OR11G2: variants seen among roughly 807,000 people sequenced by gnomAD.
OR11G2 encodes the protein olfactory receptor family 11 subfamily G member 2.
OR11G2 carries 2 observed loss-of-function variants against 0.9 expected under a neutral mutation model. The observed-to-expected ratio is 2.35, with a 90% CI of 0.96 to 7.38. The LOEUF (loss-of-function observed/expected upper bound fraction) is 7.38, where lower values mean the gene tolerates loss of function less well. Ranked by LOEUF, OR11G2 falls within the 30% of genes most tolerant of loss-of-function variation. The probability of loss-of-function intolerance (pLI) is 0.05; values close to 1 mark genes in which losing one functional copy is unlikely to be tolerated. For missense variants in OR11G2, 395 were observed against 371.3 expected, an observed-to-expected ratio of 1.06 and a Z score of -0.52; for synonymous variants, 153 against 142.0, an observed-to-expected ratio of 1.08 and a Z score of -0.55.
Position 20,197,415 on chromosome 14 carries a change from G to C in OR11G2, c.-4-19G>C, listed in dbSNP as rs766776011. On this transcript the variant is annotated intron_variant, in intron 1 of 1. Transcript: ENST00000641879. ...TTGCACCGTCATTCAGTAATTGCTGGTGCTTTTACAATTCACAGGCACATG... is the reference window on the plus strand; with the variant it reads ...TTGCACCGTCATTCAGTAATTGCTGCTGCTTTTACAATTCACAGGCACATG... 7.4e-6 allele frequency: 12 copies of C among 1,612,950 alleles called. No homozygotes were observed. Among genetic ancestry groups the C allele is most frequent in the Middle Eastern group, 3.3e-4 (2 of 5,982 alleles).
intron 1 of OR11G2, among the ~76,000 whole-genome samples, chr14:20,193,345 C>A (rs1005980015): frequency 5.3e-5 from 8 of 152,168 alleles, no homozygotes; most frequent in Admixed American, 2.0e-4. Flanking sequence ...TGGTCTCGAA[C>A]TCCTGAGCTC....
At position 20,191,667 on chromosome 14, in the gene OR11G2, G is replaced by A. The variant is rs1379301049; in HGVS notation, c.-5+1G>A. 5 of 152,222 alleles carry A rather than the reference G, an allele frequency of 3.3e-5. No homozygotes were observed. The highest frequency in any genetic ancestry group is 1.2e-4 in the African/African-American group (5 of 41,450). 9.4% of individuals were successfully genotyped at this position (152,222 alleles called of 1,614,324 possible). On this transcript the variant is annotated splice_donor_variant, in intron 1 of 1. Coordinates refer to ENST00000641879, the MANE Select transcript of OR11G2 (RefSeq NM_001386033.1). LOFTEE classifies it low-confidence loss of function (5UTR_SPLICE). ...GTACAGAGGAGCTAGGTAATAAAAG[G>A]TGAGTAACATTACACTCTTGTTAGA...
At chr14:20,192,556 T>C (rs181392236) in intron 1 of OR11G2, among the ~76,000 whole-genome samples, 156 of 152,348 alleles carry the variant, frequency 1.0e-3, no homozygotes, top group African/African-American at 3.6e-3. Context: ...TGGCTTCCTT[T>C]GAATGGAATT....
chr14:20,193,638 T>G (rs1287392595), intron 1 of OR11G2, among the ~76,000 whole-genome samples: 3 of 152,216 alleles, frequency 2.0e-5, no homozygotes, highest in African/African-American at 7.2e-5. Flanking sequence ...TTGTGACACA[T>G]GAAAATTATA....
intron 1 of OR11G2, among the ~76,000 whole-genome samples, chr14:20,194,687 C>CT (rs1879717589): frequency 2.0e-5 from 3 of 152,256 alleles, no homozygotes; most frequent in African/African-American, 4.8e-5. Flanking sequence ...TACACTTAAT[C>CT]TTTTTTAGAA....
intron 1 of OR11G2, among the ~76,000 whole-genome samples, chr14:20,192,620 T>C (rs1879675614): frequency 6.6e-6 from 1 of 152,236 alleles, no homozygotes. Context: ...GAAGTCTCTC[T>C]TATATATTTC....
chr14:20,197,882 G>GTTA lies in OR11G2; in HGVS notation c.446_447insTAT (p.Val149_Val150insMet), dbSNP rs777541745. ...GACCAGACGTCTCTGTACCAATCTT[G>GTTA]TGGTCAATTGCTGGGTACTTGGTTT... On this transcript the variant is annotated inframe_insertion, in exon 2 of 2. Transcript: ENST00000641879. 6.2e-6 allele frequency: 10 copies of GTTA among 1,613,928 alleles called. No individual in the cohort carries two copies. The African/African-American group carries it at 1.3e-4, about 22-fold the overall frequency.
At chr14:20,194,360 G>A (rs1021433751) in intron 1 of OR11G2, among the ~76,000 whole-genome samples, 10 of 152,288 alleles carry the variant, frequency 6.6e-5, no homozygotes, top group African/African-American at 2.2e-4. Flanking sequence ...TGTTGGCAGT[G>A]GAGATGGGGA....
rs1278389632 is a variant in OR11G2 at position 20,197,683 on chromosome 14, C to A, written c.246C>A (p.Val82=). The part of the protein sequence containing the change: ...FLEICYVTST[V]PSMLANFLSD... ...AGATATGTTATGTCACCTCCACAGT[C>A]CCCAGCATGCTGGCCAACTTCCTCT... Residue 82 remains valine (V), a synonymous_variant, in exon 2 of 2, where the codon GTC becomes GTA. Transcript: ENST00000641879. 8 of 1,613,710 alleles carry A rather than the reference C, an allele frequency of 5.0e-6. No individual in the cohort carries two copies. In the African/African-American group the frequency reaches 8.0e-5, roughly 16 times the overall value.
chr14:20,194,514 G>A (rs184507928), intron 1 of OR11G2, among the ~76,000 whole-genome samples: 123 of 152,294 alleles, frequency 8.1e-4, no homozygotes, highest in African/African-American at 2.9e-3. Context: ...TTTAATCCAA[G>A]AAGTCAAATT....
At chr14:20,197,009 AAAGCTGC>A (rs1879765592) in intron 1 of OR11G2, among the ~76,000 whole-genome samples, 1 of 152,230 alleles carries the variant, frequency 6.6e-6, no homozygotes, top group Admixed American at 6.5e-5. Context: ...TCTGCCACAA[AAAGCTGC>A]AATGATTTCA....
Position 20,192,548 on chromosome 14 carries a change from G to T in OR11G2, c.-5+882G>T, listed in dbSNP as rs867504081. Among the ~76,000 whole-genome samples the T allele has an allele frequency of 2.2e-4, 34 of 152,244 alleles. 1 individual carries two copies. Among genetic ancestry groups the T allele is most frequent in the Middle Eastern group, 3.4e-3 (1 of 294 alleles). Reference sequence around the variant, plus strand: ...CACCCAGAACATTCGATTTCCCATGGCTTCCTTTGAATGGAATTCCTCTCA... The same window carrying T: ...CACCCAGAACATTCGATTTCCCATGTCTTCCTTTGAATGGAATTCCTCTCA... On this transcript the variant is annotated intron_variant, in intron 1 of 1. Transcript: ENST00000641879.
chr14:20,194,449 AAAG>A (rs1357232141), intron 1 of OR11G2, among the ~76,000 whole-genome samples: 2 of 152,218 alleles, frequency 1.3e-5, no homozygotes, highest in Non-Finnish European at 2.9e-5. Context: ...GGGTAGAGGA[AAAG>A]AAGGAGATAC....
chr14:20,198,326 A>G lies in OR11G2; in HGVS notation c.889A>G (p.Arg297Gly), dbSNP rs1459979695. ...PLLNPVIYSL[R>G]NKDMRKALKK... Reference sequence around the variant, plus strand: ...GCTTAACCCTGTGATATATAGTCTTAGGAACAAAGATATGAGAAAAGCTCT... The same window carrying G: ...GCTTAACCCTGTGATATATAGTCTTGGGAACAAAGATATGAGAAAAGCTCT... The change falls in exon 2 of 2, where the codon AGG becomes GGG. Residue 297 changes from arginine to glycine, a missense_variant. Arg to Gly is a moderately radical substitution (Grantham distance 125). Coordinates refer to ENST00000641879, the MANE Select transcript of OR11G2 (RefSeq NM_001386033.1). 6.3e-7 allele frequency: 1 copy of G among 1,589,688 alleles called. No homozygotes were observed. Among genetic ancestry groups the G allele is most frequent in the East Asian group, 2.2e-5 (1 of 44,744 alleles).
chr14:20,191,959 C>T (rs1371140285), intron 1 of OR11G2, among the ~76,000 whole-genome samples: 1 of 150,354 alleles, frequency 6.7e-6, no homozygotes, highest in Non-Finnish European at 1.5e-5. Context: ...GTGGCACGAT[C>T]ACGGCTCACC....
rs1879643538 is a variant in OR11G2 at position 20,191,150 on chromosome 14, T to C, written c.-521T>C. The stretch of plus-strand genomic sequence containing the variant: ...TCCTAGGCTCCTTACTCAAATCCAC[T>C]GTTTTTCTACTATGCCTGAGTTGCC... On this transcript the variant is annotated 5_prime_UTR_variant, in exon 1 of 2. Transcript: ENST00000641879. 6.6e-6 allele frequency: 1 copy of C among 152,222 alleles called. No individual in the cohort carries two copies. The highest frequency in any genetic ancestry group is 6.5e-5 in the Admixed American group (1 of 15,286). The allele number at this position is 152,222 out of a possible 1,614,324, so 9.4% of individuals were successfully genotyped here.
rs1198924438 is a variant in OR11G2, at chr14:20,200,667, C to A, written c.*2294C>A. On this transcript the variant is annotated 3_prime_UTR_variant, in exon 2 of 2. Transcript: ENST00000641879. ...CACCTCAACTTTTAAGTTGTTTAAC[C>A]TACAGATATTTTTACACATGTGGGA... is the stretch of plus-strand genomic sequence containing the variant. 1 of 152,160 alleles carries A rather than the reference C, an allele frequency of 6.6e-6. No homozygotes were observed. The highest frequency in any genetic ancestry group is 1.9e-4 in the East Asian group (1 of 5,202). The allele number at this position is 152,160 out of a possible 1,614,324, so 9.4% of individuals were successfully genotyped here. A position where few individuals can be genotyped will look rare whatever the true frequency, so the allele number is the denominator to read the frequency against.
At chr14:20,194,383 C>T (rs1181143424) in intron 1 of OR11G2, among the ~76,000 whole-genome samples, 2 of 151,998 alleles carry the variant, frequency 1.3e-5, no homozygotes, top group Non-Finnish European at 2.9e-5. Flanking sequence ...AGTGAGCAGA[C>T]ATGAGACTTA....
chr14:20,198,078 T>C lies in OR11G2; in HGVS notation c.641T>C (p.Leu214Pro), dbSNP rs1418808104. Residue 214 changes from leucine to proline, a missense_variant, in exon 2 of 2, where the codon CTC becomes CCC. Coordinates refer to ENST00000641879, the MANE Select transcript of OR11G2 (RefSeq NM_001386033.1). ...SVLSPLPVFMLFLFIVGSYAL... is the reference protein window; with the variant it reads ...SVLSPLPVFMPFLFIVGSYAL... ...TTAAGTCCTCTGCCTGTCTTTATGC[T>C]CTTTCTCTTCATTGTGGGGTCCTAT... 3 of 1,614,138 alleles carry C rather than the reference T, an allele frequency of 1.9e-6. No individual in the cohort carries two copies. The highest frequency in any genetic ancestry group is 1.7e-5 in the Admixed American group (1 of 60,024).
Sources: gnomAD v4.1 joint callset for allele counts (sites outside exome capture counted in the v4.1 genomes callset) on GRCh38, gnomAD v4.1.1 for gene constraint, MANE v1.5 for transcripts, NCBI Gene and HGNC (gene_info 2026-07-23, HGNC 2026-07-21) for gene names.